The following MAPK10 variants were observed in gnomAD, a reference collection of about 807,000 sequenced individuals.
MAPK10 encodes JNK3 alpha protein kinase.
Under a neutral mutation model 59.3 loss-of-function variants are expected in MAPK10, and 25 were observed. The ratio of observed to expected loss-of-function variants is 0.42; its 90% CI spans 0.31 to 0.59. MAPK10 has a LOEUF of 0.59. Ranked by LOEUF, MAPK10 falls within the 20% of genes least tolerant of loss-of-function variation. The pLI, the probability that MAPK10 is intolerant of heterozygous loss-of-function variation, is 0.15. For missense variants in MAPK10, 351 were observed against 568.9 expected (o/e 0.62, Z 3.90); for synonymous variants, 190 against 200.5 (o/e 0.95, Z 0.44).
chr4:86,581,924 T>TA (rs2149112977), intron 1 of MAPK10, among the ~76,000 whole-genome samples: 1 of 126,618 alleles, frequency 7.9e-6, no homozygotes, highest in Non-Finnish European at 1.7e-5. Context: ...TATATATATA[T>TA]ATATATATAT....
chr4:86,276,507 A>T (rs918403285), intron 2 of MAPK10, among the ~76,000 whole-genome samples: 7 of 152,190 alleles, frequency 4.6e-5, no homozygotes, highest in Admixed American at 1.3e-4. Flanking sequence ...GCAAAGATAG[A>T]TAAGCAGTCA....
chr4:86,559,634 C>T (rs1760519375), intron 1 of MAPK10, among the ~76,000 whole-genome samples: 1 of 152,108 alleles, frequency 6.6e-6, no homozygotes, highest in Non-Finnish European at 1.5e-5. Context: ...TTGTTTTAGT[C>T]TTAATAGTCA....
chr4:86,208,117 A>G (rs559572514), intron 2 of MAPK10, among the ~76,000 whole-genome samples: 1 of 152,136 alleles, frequency 6.6e-6, no homozygotes, highest in Non-Finnish European at 1.5e-5. Flanking sequence ...CAACCAAAAA[A>G]TTCCAGGACC....
intron 1 of MAPK10, among the ~76,000 whole-genome samples, chr4:86,565,196 A>G (rs1760975940): frequency 6.6e-6 from 1 of 152,190 alleles, no homozygotes; most frequent in Non-Finnish European, 1.5e-5. Flanking sequence ...ATTCACTTTT[A>G]AAAACAGCTC....
In MAPK10 at chr4:86,013,831, A is replaced by T. The variant is rs1177956800; in HGVS notation, c.*3397T>A. ...AGGCTCTGGTCCAACTGTTGGGTAC[A>T]TTCCTACAAAACTCAGTCATCAGAT... On this transcript the variant is annotated 3_prime_UTR_variant, in exon 14 of 14. Transcript: ENST00000641462. 1.3e-5 allele frequency: 2 copies of T among 152,226 alleles called. No homozygotes were observed. Among genetic ancestry groups the T allele is most frequent in the African/African-American group, 4.8e-5 (2 of 41,452 alleles). The allele number at this position is 152,226 out of a possible 1,614,324, so 9.4% of individuals were successfully genotyped here.
rs1742814163 is a variant in MAPK10 at position 86,015,054 on chromosome 4, G to A, written c.*2174C>T. 1 of 149,596 alleles carries A rather than the reference G, an allele frequency of 6.7e-6. No homozygotes were observed. Among genetic ancestry groups the A allele is most frequent in the South Asian group, 2.1e-4 (1 of 4,720 alleles). 9.3% of individuals were successfully genotyped at this position (149,596 alleles called of 1,614,324 possible). A position where few individuals can be genotyped will look rare whatever the true frequency, so the allele number is the denominator to read the frequency against. ...GGAATATGAAAGAGAGGGAGCTCAAGTGACTGAGGAGGCATTTTTAACAAT... is the reference window on the plus strand; with the variant it reads ...GGAATATGAAAGAGAGGGAGCTCAAATGACTGAGGAGGCATTTTTAACAAT... On this transcript the variant is annotated 3_prime_UTR_variant, in exon 14 of 14. Transcript: ENST00000641462.
chr4:86,315,983 G>C (rs2095778835), intron 2 of MAPK10, among the ~76,000 whole-genome samples: 1 of 152,168 alleles, frequency 6.6e-6, no homozygotes, highest in Non-Finnish European at 1.5e-5. Flanking sequence ...TTCTGTGCAA[G>C]TAAATCTCTA....
intron 2 of MAPK10, among the ~76,000 whole-genome samples, chr4:86,283,777 G>T (rs1316440882): frequency 6.6e-6 from 1 of 152,158 alleles, no homozygotes; most frequent in East Asian, 1.9e-4. Flanking sequence ...TGTAGTGCAG[G>T]TTATCAATGT....
intron 9 of MAPK10, among the ~76,000 whole-genome samples, chr4:86,090,148 T>C (rs923247354): frequency 2.6e-5 from 4 of 151,682 alleles, no homozygotes; most frequent in South Asian, 2.1e-4. Context: ...ATCTCTCTCT[T>C]GAGCTACACT....
chr4:86,333,285 T>G (rs2096199508), intron 2 of MAPK10, among the ~76,000 whole-genome samples: 1 of 152,172 alleles, frequency 6.6e-6, no homozygotes, highest in Non-Finnish European at 1.5e-5. Context: ...ATCAAACCAA[T>G]TTCATTCCTC....
chr4:86,361,148 C>T (rs1056510445), upstream of MAPK10, among the ~76,000 whole-genome samples: 3 of 152,146 alleles, frequency 2.0e-5, no homozygotes, highest in African/African-American at 7.2e-5. Flanking sequence ...GCAAGAGATG[C>T]AAACTCAGCA....
intron 1 of MAPK10, among the ~76,000 whole-genome samples, chr4:86,535,050 C>A (rs1310314841): frequency 2.0e-5 from 3 of 152,132 alleles, no homozygotes; most frequent in Admixed American, 6.5e-5. Flanking sequence ...CTTTTCTACC[C>A]TGGGACTTAG....
rs1341338230 is a variant in MAPK10 at position 86,252,664 on chromosome 4, T to G, written c.-6-58257A>C. ...TTGACTTGGCGATGCGGGCTCTTTT[T>G]TGGTTCCATATGAACTTTAAAGTAG... On this transcript the variant is annotated intron_variant, in intron 2 of 13. Transcript: ENST00000641462. Among the ~76,000 whole-genome samples the G allele has an allele frequency of 4.0e-3, 268 of 67,346 alleles. 4 individuals carry two copies. The highest frequency in any genetic ancestry group is 0.02 in the African/African-American group (258 of 12,756). The allele number at this position is 67,346 out of a possible 152,430, so 44.2% of individuals were successfully genotyped here. A position where few individuals can be genotyped will look rare whatever the true frequency, so the allele number is the denominator to read the frequency against.
At chr4:86,459,452 CAT>C (rs560599825) in intron 1 of MAPK10, among the ~76,000 whole-genome samples, 39 of 152,314 alleles carry the variant, frequency 2.6e-4, no homozygotes, top group African/African-American at 8.7e-4. Context: ...CTTGCACACA[CAT>C]GTTTATAGCA....
intron 4 of MAPK10, among the ~76,000 whole-genome samples, chr4:86,158,057 A>G (rs1476939978): frequency 6.6e-6 from 1 of 152,028 alleles, no homozygotes; most frequent in Non-Finnish European, 1.5e-5. Context: ...TAAATTTAGG[A>G]GAGTTACAGC....
At chr4:86,181,074 T>C (rs761909157) in intron 3 of MAPK10, among the ~76,000 whole-genome samples, 1 of 152,152 alleles carries the variant, frequency 6.6e-6, no homozygotes, top group African/African-American at 2.4e-5. Flanking sequence ...ATACATTATA[T>C]GTATCAAAAC....
intron 1 of MAPK10, among the ~76,000 whole-genome samples, chr4:86,489,918 T>C (rs1017483554): frequency 9.2e-5 from 14 of 152,170 alleles, no homozygotes; most frequent in Admixed American, 4.6e-4. Flanking sequence ...TTTTTTCTGT[T>C]CCACTCTCAG....
chr4:86,359,445 C>T (rs1334020959), intron 1 of MAPK10, among the ~76,000 whole-genome samples: 1 of 151,680 alleles, frequency 6.6e-6, no homozygotes, highest in East Asian at 1.9e-4. Context: ...GGAAAGGTTT[C>T]AACACGCCCA....
chr4:86,110,462 G>A (rs942594569), intron 4 of MAPK10, among the ~76,000 whole-genome samples: 4 of 152,062 alleles, frequency 2.6e-5, no homozygotes, highest in Non-Finnish European at 5.9e-5. Flanking sequence ...AGTTTTCCCA[G>A]CACCATTTAT....
Sources: allele counts gnomAD v4.1 joint callset (sites outside exome capture counted in the v4.1 genomes callset), GRCh38; gene constraint gnomAD v4.1.1; transcripts MANE v1.5; gene names NCBI Gene and HGNC (gene_info 2026-07-23, HGNC 2026-07-21).